The following HSF5 variants were observed in gnomAD, a reference collection of about 807,000 sequenced individuals.
HSF5 encodes heat shock factor protein 5.
HSF5 carries 5 observed loss-of-function variants against 50.8 expected under a neutral mutation model. That is an observed-to-expected ratio of 0.10 (90% confidence interval 0.05 to 0.21). The LOEUF (loss-of-function observed/expected upper bound fraction) is 0.21, where lower values mean the gene tolerates loss of function less well. Ranked by LOEUF, HSF5 falls within the 10% of genes least tolerant of loss-of-function variation. The probability of loss-of-function intolerance (pLI) is 1.00; values close to 1 mark genes in which losing one functional copy is unlikely to be tolerated. For synonymous variants in HSF5, 307 were observed against 307.4 expected (o/e 1.00, Z 0.02); for missense variants, 564 against 762.6 (o/e 0.74, Z 3.07).
At chr17:58,465,152 CCCTT>C (rs1191412841) in intron 3 of HSF5, among the ~76,000 whole-genome samples, 3 of 145,500 alleles carry the variant, frequency 2.1e-5, no homozygotes, top group African/African-American at 5.0e-5. Context: ...CTCCCTCCCT[CCCTT>C]CCTTCTTCCT....
At chr17:58,441,767 C>T (rs1974501097) in intron 5 of HSF5, among the ~76,000 whole-genome samples, 1 of 152,214 alleles carries the variant, frequency 6.6e-6, no homozygotes, top group Admixed American at 6.5e-5. Flanking sequence ...CACTGATGGG[C>T]TAACCAAGGA....
Position 58,436,944 on chromosome 17 carries a change from G to A in HSF5, c.1721-14514C>T, listed in dbSNP as rs537517024. ...ATATTGACTAGTGACAAGGAAAGAT[G>A]CCGTAAAGTGACTGGGGGCCTTTTA... On this transcript the variant is annotated intron_variant, in intron 5 of 5. Coordinates refer to ENST00000323777, the MANE Select transcript of HSF5 (RefSeq NM_001080439.3). Among the ~76,000 whole-genome samples the A allele has an allele frequency of 1.6e-3, 244 of 152,298 alleles. 4 individuals are homozygous for A. Among genetic ancestry groups the A allele is most frequent in the Admixed American group, 0.016 (243 of 15,304 alleles).
intron 5 of HSF5, among the ~76,000 whole-genome samples, chr17:58,456,704 A>G (rs771042951): frequency 2.0e-5 from 3 of 152,228 alleles, no homozygotes; most frequent in Non-Finnish European, 4.4e-5. Context: ...ATTATAAATT[A>G]AAAATAAAAA....
intron 5 of HSF5, among the ~76,000 whole-genome samples, chr17:58,425,406 TAAA>T (rs35148302): frequency 7.4e-6 from 1 of 135,640 alleles, no homozygotes; most frequent in Non-Finnish European, 1.6e-5. Flanking sequence ...AACTCCACCT[TAAA>T]AAAAAAAAAA....
chr17:58,424,428 T>C (rs1312205143), intron 5 of HSF5, among the ~76,000 whole-genome samples: 1 of 151,788 alleles, frequency 6.6e-6, no homozygotes, highest in African/African-American at 2.4e-5. Context: ...CTGGCTAATA[T>C]GGTGAAACCC....
At chr17:58,480,960 C>T (rs1975091923) in intron 1 of HSF5, among the ~76,000 whole-genome samples, 1 of 152,078 alleles carries the variant, frequency 6.6e-6, no homozygotes, top group Admixed American at 6.6e-5. Flanking sequence ...GTTTATTTTA[C>T]TTTTTGTAGA....
intron 5 of HSF5, among the ~76,000 whole-genome samples, chr17:58,453,599 A>AAAC (rs71143249): frequency 0.16 from 23,927 of 150,548 alleles, 2,015 homozygotes; most frequent in Middle Eastern, 0.27. Context: ...ACTCCATCTC[A>AAAC]AACAACAACA....
chr17:58,480,185 G>A lies in HSF5; in HGVS notation c.633C>T (p.His211=), dbSNP rs373663838. The A allele has an allele frequency of 8.1e-6, 13 of 1,614,042 alleles. No homozygotes were observed. Among genetic ancestry groups the A allele is most frequent in the Admixed American group, 1.7e-5 (1 of 60,014 alleles). Residue 211 remains histidine, a synonymous_variant, in exon 2 of 6, where the codon CAC becomes CAT. Transcript: ENST00000323777. ...SPYSCVSTPS[H]DHSTYPLKGL... is the part of the protein sequence containing the mutation. ...CTTTCAGAGGGTAAGTACTGTGGTCGTGGGATGGAGTTGATACACAGGAGT... is the reference window on the plus strand; with the variant it reads ...CTTTCAGAGGGTAAGTACTGTGGTCATGGGATGGAGTTGATACACAGGAGT...
At chr17:58,470,087 T>C (rs1432873775) in intron 2 of HSF5, among the ~76,000 whole-genome samples, 1 of 152,220 alleles carries the variant, frequency 6.6e-6, no homozygotes, top group African/African-American at 2.4e-5. Context: ...TAATAGTATA[T>C]TTAATTTCAA....
Position 58,488,389 on chromosome 17 carries a change from A to G in HSF5, c.-115T>C. On this transcript the variant is annotated 5_prime_UTR_variant, in exon 1 of 6. Coordinates refer to ENST00000323777, the MANE Select transcript of HSF5 (RefSeq NM_001080439.3). The surrounding 1 kb of genome is among the most constrained non-coding windows in gnomAD (Gnocchi z 4.1). ...TCCTGCCGGCGCCCATCCGCCGCGT[A>G]CCAGGGACCGTTGGCGCACGAGGCC... 6.1e-6 allele frequency: 8 copies of G among 1,306,190 alleles called. No individual in the cohort carries two copies. The highest frequency in any genetic ancestry group is 7.7e-6 in the Non-Finnish European group (8 of 1,033,518). The allele number at this position is 1,306,190 out of a possible 1,614,324, so 80.9% of individuals were successfully genotyped here.
intron 5 of HSF5, among the ~76,000 whole-genome samples, chr17:58,445,216 T>TA (rs1441572534): frequency 3.3e-5 from 5 of 152,240 alleles, no homozygotes; most frequent in Non-Finnish European, 7.4e-5. Context: ...CTAAAAAAAT[T>TA]AAAAATTGGA....
intron 5 of HSF5, among the ~76,000 whole-genome samples, chr17:58,424,260 T>C (rs1172195793): frequency 6.6e-6 from 1 of 152,196 alleles, no homozygotes; most frequent in East Asian, 1.9e-4. Context: ...CATCAACAGA[T>C]GAATGGATAA....
intron 5 of HSF5, among the ~76,000 whole-genome samples, chr17:58,448,629 C>T (rs1056868758): frequency 1.3e-5 from 2 of 152,134 alleles, no homozygotes; most frequent in African/African-American, 4.8e-5. Context: ...AATACTGTAC[C>T]TAGCAAAGCT....
intron 5 of HSF5, among the ~76,000 whole-genome samples, chr17:58,424,556 G>A (rs1242163518): frequency 6.6e-6 from 1 of 150,820 alleles, no homozygotes; most frequent in Non-Finnish European, 1.5e-5. Context: ...AGGTTGCAGT[G>A]AGCCAAGATG....
intron 5 of HSF5, among the ~76,000 whole-genome samples, chr17:58,452,727 C>T (rs1034639101): frequency 4.6e-5 from 7 of 152,230 alleles, no homozygotes; most frequent in Non-Finnish European, 1.0e-4. Context: ...GCACCATCTG[C>T]GATGTGAGGA....
In HSF5 at chr17:58,421,052, C is replaced by A. The variant is rs1232190813; in HGVS notation, c.*1308G>T. On this transcript the variant is annotated 3_prime_UTR_variant, in exon 6 of 6. Coordinates refer to ENST00000323777, the MANE Select transcript of HSF5 (RefSeq NM_001080439.3). The stretch of plus-strand genomic sequence containing the variant: ...GCAGTGCTTAATAGGAGAACTGAAA[C>A]AGAATCCAATAAGAAAGTTTTGGTC... 1 of 152,586 alleles carries A rather than the reference C, an allele frequency of 6.6e-6. No individual in the cohort carries two copies. Among genetic ancestry groups the A allele is most frequent in the East Asian group, 1.9e-4 (1 of 5,202 alleles). The allele number at this position is 152,586 out of a possible 1,614,324, so 9.5% of individuals were successfully genotyped here.
At chr17:58,468,035 T>C (rs1173480357) in intron 2 of HSF5, among the ~76,000 whole-genome samples, 1 of 152,214 alleles carries the variant, frequency 6.6e-6, no homozygotes, top group Admixed American at 6.5e-5. Context: ...TATTAAGTAA[T>C]TTGCCAAAAG....
intron 5 of HSF5, among the ~76,000 whole-genome samples, chr17:58,424,220 T>C (rs1974262488): frequency 1.3e-5 from 2 of 152,162 alleles, no homozygotes; most frequent in African/African-American, 4.8e-5. Context: ...TTATTCACAA[T>C]AGGCAAAAGG....
In HSF5 at chr17:58,488,296, C is replaced by T; in HGVS notation, c.-22G>A. 6.9e-7 allele frequency: 1 copy of T among 1,452,502 alleles called. No individual in the cohort carries two copies. Among genetic ancestry groups the T allele is most frequent in the Non-Finnish European group, 9.0e-7 (1 of 1,115,318 alleles). The allele number at this position is 1,452,502 out of a possible 1,614,324, so 90.0% of individuals were successfully genotyped here. ...CCATCGCCCCGCCGGGCCGGGGCCT[C>T]GCCCCCCGAGCCTAGCTCTCCCACA... On this transcript the variant is annotated 5_prime_UTR_variant, in exon 1 of 6. Transcript: ENST00000323777. This position sits in a 1 kb window ranked among gnomAD's most constrained non-coding sequence, Gnocchi z 4.1.
Sources: allele counts gnomAD v4.1 joint callset (sites outside exome capture counted in the v4.1 genomes callset), GRCh38; gene constraint gnomAD v4.1.1; non-coding constraint Gnocchi (gnomAD v3.1); transcripts MANE v1.5; gene names NCBI Gene and HGNC (gene_info 2026-07-23, HGNC 2026-07-21).